Variants in ZNF396 observed in about 807,000 individuals in gnomAD.
The protein encoded by ZNF396 is zinc finger and SCAN domain-containing protein 14.
In ZNF396, 14 loss-of-function variants were observed where a neutral mutation model predicts 20.5. That is an observed-to-expected ratio of 0.68 (90% CI 0.45 to 1.07). ZNF396 has a LOEUF of 1.07. ZNF396 is among the 50% of genes least tolerant of loss of function. ZNF396 has a pLI of 0.00. For missense variants in ZNF396, 347 were observed against 390.1 expected, an observed-to-expected ratio of 0.89 and a Z score of 0.93; for synonymous variants, 119 against 140.6, an observed-to-expected ratio of 0.85 and a Z score of 1.08.
intron 3 of ZNF396, among the ~76,000 whole-genome samples, chr18:35,371,238 C>T (rs992681524): frequency 2.6e-5 from 4 of 152,184 alleles, no homozygotes; most frequent in Non-Finnish European, 5.9e-5. Flanking sequence ...TAATGACACA[C>T]CCCATAGTTT....
chr18:35,369,461 A>G lies in ZNF396; in HGVS notation c.762T>C (p.Asp254=). The G allele has an allele frequency of 6.2e-7, 1 of 1,614,216 alleles. No individual in the cohort carries two copies. The highest frequency in any genetic ancestry group is 8.5e-7 in the Non-Finnish European group (1 of 1,180,032). The change falls in exon 4 of 4, where the codon GAT becomes GAC. Residue 254 remains aspartate (D), a synonymous_variant. Coordinates refer to ENST00000589332, the MANE Select transcript of ZNF396 (RefSeq NM_001322286.2). The part of the protein sequence containing the change: ...NPSWKKQQKC[D]ECGKIFSQSS... ...TCTGACTAAAGATTTTGCCACATTCATCACATTTCTGTTGTTTTTTCCAAG... is the reference window on the plus strand; with the variant it reads ...TCTGACTAAAGATTTTGCCACATTCGTCACATTTCTGTTGTTTTTTCCAAG...
chr18:35,374,331 C>T lies in ZNF396; in HGVS notation c.-39G>A. The T allele has an allele frequency of 6.3e-7, 1 of 1,584,488 alleles. No homozygotes were observed. Among genetic ancestry groups the T allele is most frequent in the Non-Finnish European group, 8.6e-7 (1 of 1,165,552 alleles). On this transcript the variant is annotated 5_prime_UTR_variant, in exon 2 of 4. Transcript: ENST00000589332. This position sits in a 1 kb window ranked among gnomAD's most constrained non-coding sequence, Gnocchi z 4.3. ...TAGCTCAGTACTGTTAGGCTTTAAT[C>T]CTCAAGGAGGTGAAGCTGTCCTGAT...
Position 35,369,035 on chromosome 18 carries a change from G to A in ZNF396, c.*180C>T. On this transcript the variant is annotated 3_prime_UTR_variant, in exon 4 of 4. Transcript: ENST00000589332. ...GTCAGAATTGAGACTGCATTGATAAGCAGAAAAGCAAATAATGCTGACCTG... is the reference window on the plus strand; with the variant it reads ...GTCAGAATTGAGACTGCATTGATAAACAGAAAAGCAAATAATGCTGACCTG... 7.2e-7 allele frequency: 1 copy of A among 1,379,330 alleles called. No homozygotes were observed. The highest frequency in any genetic ancestry group is 3.5e-5 in the Admixed American group (1 of 28,824). The allele number at this position is 1,379,330 out of a possible 1,614,324, so 85.4% of individuals were successfully genotyped here.
rs2143882115 is a variant in ZNF396, at chr18:35,366,878, C to G, written c.*2337G>C. On this transcript the variant is annotated 3_prime_UTR_variant, in exon 4 of 4. Coordinates refer to ENST00000589332, the MANE Select transcript of ZNF396 (RefSeq NM_001322286.2). ...ACAGAGACACCCTTTAAAGATTCAT[C>G]ATATACTTAGACGATATGATTCATA... 1 of 152,290 alleles carries G rather than the reference C, an allele frequency of 6.6e-6. No homozygotes were observed. The highest frequency in any genetic ancestry group is 1.5e-5 in the Non-Finnish European group (1 of 68,030). 9.4% of individuals were successfully genotyped at this position (152,290 alleles called of 1,614,324 possible).
intron 3 of ZNF396, among the ~76,000 whole-genome samples, chr18:35,370,217 C>T (rs1161817776): frequency 6.6e-6 from 1 of 152,274 alleles, no homozygotes; most frequent in Admixed American, 6.5e-5. Context: ...TCAAGGGTAG[C>T]AGAGTACCCA....
At chr18:35,373,105 T>G in intron 3 of ZNF396, 1 of 293,466 alleles carries the variant, frequency 3.4e-6, no homozygotes. Flanking sequence ...ACTGAGCAGT[T>G]ATATAGGAAA....
At position 35,369,015 on chromosome 18, in the gene ZNF396, A is replaced by G; in HGVS notation, c.*200T>C. On this transcript the variant is annotated 3_prime_UTR_variant, in exon 4 of 4. Coordinates refer to ENST00000589332, the MANE Select transcript of ZNF396 (RefSeq NM_001322286.2). ...TAAGCTTTGGAATTGCAAACGTCAG[A>G]ATTGAGACTGCATTGATAAGCAGAA... 1.5e-6 allele frequency: 2 copies of G among 1,350,990 alleles called. No individual in the cohort carries two copies. The highest frequency in any genetic ancestry group is 1.9e-6 in the Non-Finnish European group (2 of 1,057,702). 83.7% of individuals were successfully genotyped at this position (1,350,990 alleles called of 1,614,324 possible).
At chr18:35,370,300 A>G (rs2045155546) in intron 3 of ZNF396, among the ~76,000 whole-genome samples, 1 of 151,928 alleles carries the variant, frequency 6.6e-6, no homozygotes, top group Admixed American at 6.6e-5. Context: ...ATTATTTTGT[A>G]TTACATTTAA....
chr18:35,369,074 T>G lies in ZNF396; in HGVS notation c.*141A>C. The G allele has an allele frequency of 7.1e-7, 1 of 1,410,440 alleles. No individual in the cohort carries two copies. Among genetic ancestry groups the G allele is most frequent in the Non-Finnish European group, 9.2e-7 (1 of 1,086,224 alleles). 87.4% of individuals were successfully genotyped at this position (1,410,440 alleles called of 1,614,324 possible). A position where few individuals can be genotyped will look rare whatever the true frequency, so the allele number is the denominator to read the frequency against. On this transcript the variant is annotated 3_prime_UTR_variant, in exon 4 of 4. Coordinates refer to ENST00000589332, the MANE Select transcript of ZNF396 (RefSeq NM_001322286.2). ...AATGCTGACCTGAGATCTTCAACCT[T>G]CTCTCCTGTGGCTTTCATGAGTCTT...
rs1423768870 is a variant in ZNF396, at chr18:35,368,278, T to G, written c.*937A>C. 7 of 841,302 alleles carry G rather than the reference T, an allele frequency of 8.3e-6. No individual in the cohort carries two copies. The highest frequency in any genetic ancestry group is 1.2e-5 in the Non-Finnish European group (7 of 581,424). 52.1% of individuals were successfully genotyped at this position (841,302 alleles called of 1,614,324 possible). On this transcript the variant is annotated 3_prime_UTR_variant, in exon 4 of 4. Transcript: ENST00000589332. Reference sequence around the variant, plus strand: ...TACATTGCAAAGGAGATTATTTTTTTCCAACACGGGAAATTAACTTGATAT... The same window carrying G: ...TACATTGCAAAGGAGATTATTTTTTGCCAACACGGGAAATTAACTTGATAT...
rs1384378050 is a variant in ZNF396 at position 35,367,282 on chromosome 18, C to T, written c.*1933G>A. On this transcript the variant is annotated 3_prime_UTR_variant, in exon 4 of 4. Coordinates refer to ENST00000589332, the MANE Select transcript of ZNF396 (RefSeq NM_001322286.2). ...TCTATAATAAAATTTACATTCACTT[C>T]TCCTCCTACTAATCTTACATTTATC... The T allele has an allele frequency of 2.0e-5, 3 of 152,290 alleles. No individual in the cohort carries two copies. In the East Asian group the frequency reaches 5.8e-4, roughly 29 times the overall value. The allele number at this position is 152,290 out of a possible 1,614,324, so 9.4% of individuals were successfully genotyped here.
rs1363030665 is a variant in ZNF396, at chr18:35,374,655, C to T, written c.-72-291G>A. The T allele has an allele frequency of 6.0e-6, 1 of 167,020 alleles. No individual in the cohort carries two copies. Among genetic ancestry groups the T allele is most frequent in the African/African-American group, 2.4e-5 (1 of 41,682 alleles). 10.3% of individuals were successfully genotyped at this position (167,020 alleles called of 1,614,324 possible). ...GGGACTACAGGTACCCGCCACCACG[C>T]CTGGCTAATTTTTGTATTTTCAGTA... is the stretch of plus-strand genomic sequence containing the variant. On this transcript the variant is annotated intron_variant, in intron 1 of 3. Coordinates refer to ENST00000589332, the MANE Select transcript of ZNF396 (RefSeq NM_001322286.2). This position sits in a 1 kb window ranked among gnomAD's most constrained non-coding sequence, Gnocchi z 4.3.
At position 35,369,545 on chromosome 18, in the gene ZNF396, G is replaced by A. The variant is rs1337558475; in HGVS notation, c.678C>T (p.Ser226=). The A allele has an allele frequency of 1.9e-6, 3 of 1,613,922 alleles. No individual in the cohort carries two copies. The highest frequency in any genetic ancestry group is 2.7e-5 in the African/African-American group (2 of 74,904). ...CTTGTTCATAGGTTCCTCTATATGTGGAACTCTGGGAGCCATTCATATGAA... is the reference window on the plus strand; with the variant it reads ...CTTGTTCATAGGTTCCTCTATATGTAGAACTCTGGGAGCCATTCATATGAA... ...NILHMNGSQS[S]TYRGTYEQDG... The change falls in exon 4 of 4, where the codon TCC becomes TCT. Residue 226 remains serine (S), a synonymous_variant. Transcript: ENST00000589332.
intron 3 of ZNF396, among the ~76,000 whole-genome samples, chr18:35,370,504 ATTTTTTTTTT>A (rs35532616): frequency 7.3e-5 from 6 of 81,760 alleles, no homozygotes; most frequent in South Asian, 5.3e-4. Flanking sequence ...TCATGGTGGC[ATTTTTTTTTT>A]TTTTTTTTTT....
At chr18:35,373,684 A>G in intron 2 of ZNF396, 84 bp from the exon 3 acceptor site, 1 of 1,548,778 alleles carries the variant, frequency 6.5e-7, no homozygotes, top group Non-Finnish European at 8.7e-7. Context: ...CTATGCAAAA[A>G]GTATCATGGA....
Position 35,367,186 on chromosome 18 carries a change from T to C in ZNF396, c.*2029A>G, listed in dbSNP as rs2045108270. On this transcript the variant is annotated 3_prime_UTR_variant, in exon 4 of 4. Transcript: ENST00000589332. Reference sequence around the variant, plus strand: ...AAAAGTATCCTACATTTTTAGTGACTCAAGATACACACAACTCAATATAAA... The same window carrying C: ...AAAAGTATCCTACATTTTTAGTGACCCAAGATACACACAACTCAATATAAA... 1 of 152,196 alleles carries C rather than the reference T, an allele frequency of 6.6e-6. No homozygotes were observed. Among genetic ancestry groups the C allele is most frequent in the Admixed American group, 6.5e-5 (1 of 15,278 alleles). The allele number at this position is 152,196 out of a possible 1,614,324, so 9.4% of individuals were successfully genotyped here.
intron 3 of ZNF396, among the ~76,000 whole-genome samples, chr18:35,371,648 A>G (rs2045181958): frequency 6.6e-6 from 1 of 152,132 alleles, no homozygotes; most frequent in African/African-American, 2.4e-5. Context: ...CAGTTCTCCT[A>G]TGATCACCAA....
In ZNF396 at chr18:35,373,542, G is replaced by A. The variant is rs1031088285; in HGVS notation, c.476C>T (p.Thr159Ile). The change falls in exon 3 of 4, where the codon ACT (threonine) becomes ATT (isoleucine). Residue 159 changes from threonine (T) to isoleucine (I), a missense_variant. By Grantham distance (89) the Thr-to-Ile change is moderately conservative. Coordinates refer to ENST00000589332, the MANE Select transcript of ZNF396 (RefSeq NM_001322286.2). ...GAGCTGGCTACTTGGCAATTCCTCAGTGATTTCTGAAGGTGCTAGCTTCTC... is the reference window on the plus strand; with the variant it reads ...GAGCTGGCTACTTGGCAATTCCTCAATGATTTCTGAAGGTGCTAGCTTCTC... ...IAEKLAPSEI[T>I]EELPSSQLMP... 46 of 1,614,174 alleles carry A rather than the reference G, an allele frequency of 2.8e-5. No individual in the cohort carries two copies. Among genetic ancestry groups the A allele is most frequent in the Non-Finnish European group, 3.9e-5 (46 of 1,180,028 alleles).
At chr18:35,370,504 ATT>A (rs35532616) in intron 3 of ZNF396, among the ~76,000 whole-genome samples, 4 of 81,774 alleles carry the variant, frequency 4.9e-5, no homozygotes, top group Admixed American at 1.9e-4. Flanking sequence ...TCATGGTGGC[ATT>A]TTTTTTTTTT....
Sources: allele counts gnomAD v4.1 joint callset (sites outside exome capture counted in the v4.1 genomes callset), GRCh38; gene constraint gnomAD v4.1.1; non-coding constraint Gnocchi (gnomAD v3.1); transcripts MANE v1.5; gene names NCBI Gene and HGNC (gene_info 2026-07-23, HGNC 2026-07-21).